Variants in PDZRN4 observed in about 807,000 individuals in gnomAD.
PDZRN4 encodes the protein PDZ domain-containing RING finger protein 4.
Under a neutral mutation model 99.0 loss-of-function variants are expected in PDZRN4, and 70 were observed. That is an observed-to-expected ratio of 0.71 (90% CI 0.58 to 0.86). The LOEUF (loss-of-function observed/expected upper bound fraction) is 0.86, where lower values mean the gene tolerates loss of function less well. Among genes scored for constraint, PDZRN4 ranks in the 40% least tolerant of loss-of-function variants. PDZRN4 has a pLI of 0.00. For synonymous variants in PDZRN4, 551 were observed against 501.6 expected (o/e 1.10, Z -1.32); for missense variants, 1,474 against 1,331.2 (o/e 1.11, Z -1.67).
intron 3 of PDZRN4, among the ~76,000 whole-genome samples, chr12:41,442,114 A>C (rs533158624): frequency 3.9e-5 from 6 of 152,218 alleles, no homozygotes; most frequent in African/African-American, 7.2e-5. Context: ...GGCCCTCTTG[A>C]GTGGCTTCTA....
At chr12:41,477,045 T>G (rs995532421) in intron 3 of PDZRN4, among the ~76,000 whole-genome samples, 3 of 152,180 alleles carry the variant, frequency 2.0e-5, no homozygotes, top group African/African-American at 4.8e-5. Context: ...ATAAATAACC[T>G]CCCGCTGAAG....
chr12:41,554,106 C>A (rs975194413), intron 6 of PDZRN4, among the ~76,000 whole-genome samples: 1 of 152,126 alleles, frequency 6.6e-6, no homozygotes, highest in Non-Finnish European at 1.5e-5. Flanking sequence ...AACTTATGTA[C>A]TTCTTTTAAA....
At position 41,398,175 on chromosome 12, in the gene PDZRN4, C is replaced by T. The variant is rs372568532; in HGVS notation, c.844-108281C>T. Among the ~76,000 whole-genome samples, 19 of 152,260 alleles carry T rather than the reference C, an allele frequency of 1.2e-4. 1 individual carries two copies. In the East Asian group the frequency reaches 2.3e-3, roughly 19 times the overall value. The stretch of plus-strand genomic sequence containing the variant: ...GACAATACATTTTAAAATGCACCCC[C>T]ATTTGCAGACCCCGTGTCCTCTTAT... On this transcript the variant is annotated intron_variant, in intron 3 of 9. Coordinates refer to ENST00000402685, the MANE Select transcript of PDZRN4 (RefSeq NM_001164595.2).
chr12:41,339,648 T>C (rs995752055), intron 3 of PDZRN4, among the ~76,000 whole-genome samples: 1 of 151,818 alleles, frequency 6.6e-6, no homozygotes, highest in Non-Finnish European at 1.5e-5. Flanking sequence ...AGACAACCCA[T>C]AGAATGGGGG....
intron 3 of PDZRN4, among the ~76,000 whole-genome samples, chr12:41,201,394 C>T (rs1950815430): frequency 6.6e-6 from 1 of 150,568 alleles, no homozygotes; most frequent in Non-Finnish European, 1.5e-5. Flanking sequence ...ATCTTTATAC[C>T]TCTCACTTTC....
intron 5 of PDZRN4, among the ~76,000 whole-genome samples, chr12:41,535,912 T>G (rs1938740631): frequency 3.9e-5 from 6 of 152,198 alleles, no homozygotes. Context: ...AGTCTTGATA[T>G]TCTGTCCTAG....
At chr12:41,446,245 C>CTTTATTTATTTATTTATTTATTTATTTA (rs10529599) in intron 3 of PDZRN4, among the ~76,000 whole-genome samples, 7 of 148,392 alleles carry the variant, frequency 4.7e-5, no homozygotes, top group African/African-American at 1.7e-4. Flanking sequence ...CATTGTAGGG[C>CTTTATTTATTTATTTATTTATTTATTTA]TTTATTTATT....
At chr12:41,241,837 C>G (rs1951103804) in intron 3 of PDZRN4, among the ~76,000 whole-genome samples, 1 of 152,186 alleles carries the variant, frequency 6.6e-6, no homozygotes, top group Non-Finnish European at 1.5e-5. Context: ...CTTAAGATTT[C>G]ACAACTCCAT....
At chr12:41,316,456 A>ATGTGTGTGTGTGTGTG (rs71081722) in intron 3 of PDZRN4, among the ~76,000 whole-genome samples, 3 of 144,428 alleles carry the variant, frequency 2.1e-5, no homozygotes, top group African/African-American at 5.1e-5. Context: ...AAAAAGGCAA[A>ATGTGTGTGTGTGTGTG]TGTGTGTGTG....
intron 3 of PDZRN4, among the ~76,000 whole-genome samples, chr12:41,368,566 T>C: frequency 6.6e-6 from 1 of 152,180 alleles, no homozygotes; most frequent in Non-Finnish European, 1.5e-5. Context: ...CAAATAACTC[T>C]CAATCAAGAC....
At chr12:41,205,608 C>T (rs779507644) in intron 3 of PDZRN4, among the ~76,000 whole-genome samples, 2 of 151,956 alleles carry the variant, frequency 1.3e-5, no homozygotes, top group Non-Finnish European at 2.9e-5. Flanking sequence ...CTTATTCCTT[C>T]TACTCAGCTC....
At chr12:41,233,169 C>CAA (rs1430723452) in intron 3 of PDZRN4, among the ~76,000 whole-genome samples, 1 of 151,882 alleles carries the variant, frequency 6.6e-6, no homozygotes. Flanking sequence ...TTTATGCAGC[C>CAA]AAAAAACACA....
intron 3 of PDZRN4, among the ~76,000 whole-genome samples, chr12:41,417,307 A>T (rs996634445): frequency 6.6e-6 from 1 of 152,228 alleles, no homozygotes; most frequent in Non-Finnish European, 1.5e-5. Context: ...AGGCAATGCC[A>T]TCTTTGGCCA....
chr12:41,193,987 C>T (rs1195055062), intron 2 of PDZRN4, 94 bp from the exon 3 acceptor site: 3 of 654,904 alleles, frequency 4.6e-6, no homozygotes, highest in Non-Finnish European at 8.1e-6. Flanking sequence ...TGCAGGTTTA[C>T]AGAGGATTGG....
intron 3 of PDZRN4, among the ~76,000 whole-genome samples, chr12:41,205,233 CA>C (rs1218693805): frequency 6.6e-6 from 1 of 151,874 alleles, no homozygotes; most frequent in East Asian, 1.9e-4. Flanking sequence ...AGATTAGTAA[CA>C]AACTGTTCGT....
At chr12:41,302,958 A>T (rs1951546192) in intron 3 of PDZRN4, among the ~76,000 whole-genome samples, 1 of 136,832 alleles carries the variant, frequency 7.3e-6, no homozygotes, top group African/African-American at 2.5e-5. Context: ...ACACACACAC[A>T]CACACTCACA....
chr12:41,448,007 C>T (rs541198614), intron 3 of PDZRN4, among the ~76,000 whole-genome samples: 8 of 152,046 alleles, frequency 5.3e-5, no homozygotes, highest in African/African-American at 1.9e-4. Flanking sequence ...ATGCTCTTTT[C>T]GGCATAGGAA....
At chr12:41,236,924 G>A (rs1211869697) in intron 3 of PDZRN4, among the ~76,000 whole-genome samples, 1 of 152,014 alleles carries the variant, frequency 6.6e-6, no homozygotes, top group African/African-American at 2.4e-5. Context: ...TTATTGAAGA[G>A]GGGGCTCCAG....
chr12:41,317,426 A>C (rs1273938969), intron 3 of PDZRN4, among the ~76,000 whole-genome samples: 1 of 152,072 alleles, frequency 6.6e-6, no homozygotes, highest in Non-Finnish European at 1.5e-5. Flanking sequence ...AGGATGGAGA[A>C]TAATCTGCTT....
Sources: allele counts gnomAD v4.1 joint callset (sites outside exome capture counted in the v4.1 genomes callset), GRCh38; gene constraint gnomAD v4.1.1; transcripts MANE v1.5; gene names NCBI Gene and HGNC (gene_info 2026-07-23, HGNC 2026-07-21).